CSTF1: variants seen among roughly 807,000 people sequenced by gnomAD.
CSTF1 encodes the protein CF-1 50 kDa subunit.
CSTF1 carries 2 observed loss-of-function variants against 40.9 expected under a neutral mutation model. The observed-to-expected ratio is 0.05, with a 90% CI of 0.02 to 0.15. The LOEUF is 0.15. Among genes scored for constraint, CSTF1 ranks in the 10% least tolerant of loss-of-function variants. The probability of loss-of-function intolerance (pLI) is 1.00; values close to 1 mark genes in which losing one functional copy is unlikely to be tolerated. For missense variants in CSTF1, 279 were observed against 558.9 expected, an observed-to-expected ratio of 0.50 and a Z score of 5.05; for synonymous variants, 218 against 207.2, an observed-to-expected ratio of 1.05 and a Z score of -0.45.
chr20:56,394,168 TTGAA>T (rs1174114194), intron 1 of CSTF1, among the ~76,000 whole-genome samples: 1 of 152,262 alleles, frequency 6.6e-6, no homozygotes, highest in Non-Finnish European at 1.5e-5. Context: ...CTTGAATACA[TTGAA>T]TGATTTTATT....
At chr20:56,395,792 A>G in intron 2 of CSTF1, 71 bp downstream of exon 2, 1 of 1,537,040 alleles carries the variant, frequency 6.5e-7, no homozygotes, top group Non-Finnish European at 8.9e-7. Flanking sequence ...AGAATTTTTC[A>G]AGATTATTCT....
At chr20:56,395,778 T>G in intron 2 of CSTF1, 57 bp downstream of exon 2, 1 of 1,569,028 alleles carries the variant, frequency 6.4e-7, no homozygotes, top group Non-Finnish European at 8.7e-7. Flanking sequence ...TATTTTCATA[T>G]GGCAGAATTT....
rs1978592994 is a variant in CSTF1, at chr20:56,403,981, A to G, written c.*254A>G. 2.4e-6 allele frequency: 1 copy of G among 416,068 alleles called. No individual in the cohort carries two copies. The highest frequency in any genetic ancestry group is 1.9e-5 in the African/African-American group (1 of 51,294). The allele number at this position is 416,068 out of a possible 1,614,324, so 25.8% of individuals were successfully genotyped here. ...TGTGATTTTCATCGGTTTTGTAAGT[A>G]CAGGACTTGCCGTTTCTTTTGATCT... On this transcript the variant is annotated 3_prime_UTR_variant, in exon 6 of 6. Transcript: ENST00000217109.
In CSTF1 at chr20:56,405,092, A is replaced by G. The variant is rs926506060; in HGVS notation, c.*1365A>G. ...ATTTATCCCAAAAAACAAATACCTTATGATCTGCATAGGAGTACCTAGAAA... is the reference window on the plus strand; with the variant it reads ...ATTTATCCCAAAAAACAAATACCTTGTGATCTGCATAGGAGTACCTAGAAA... On this transcript the variant is annotated 3_prime_UTR_variant, in exon 6 of 6. Transcript: ENST00000217109. 1.3e-5 allele frequency: 2 copies of G among 152,098 alleles called. No individual in the cohort carries two copies. Among genetic ancestry groups the G allele is most frequent in the African/African-American group, 2.4e-5 (1 of 41,396 alleles). 9.4% of individuals were successfully genotyped at this position (152,098 alleles called of 1,614,324 possible).
rs140219472 is a variant in CSTF1 at position 56,403,969 on chromosome 20, G to A, written c.*242G>A. 14 of 452,918 alleles carry A rather than the reference G, an allele frequency of 3.1e-5. No individual in the cohort carries two copies. Among genetic ancestry groups the A allele is most frequent in the African/African-American group, 9.6e-5 (5 of 51,990 alleles). The allele number at this position is 452,918 out of a possible 1,614,324, so 28.1% of individuals were successfully genotyped here. ...TGATTATTACAGTGTGATTTTCATC[G>A]GTTTTGTAAGTACAGGACTTGCCGT... On this transcript the variant is annotated 3_prime_UTR_variant, in exon 6 of 6. Transcript: ENST00000217109.
intron 1 of CSTF1, among the ~76,000 whole-genome samples, chr20:56,393,733 C>T (rs1256234598): frequency 6.6e-6 from 1 of 152,012 alleles, no homozygotes; most frequent in Non-Finnish European, 1.5e-5. Context: ...GTTATGCAGA[C>T]AGAATAGGTG....
rs1987549563 is a variant in CSTF1, at chr20:56,397,448, A to G, written c.411A>G (p.Thr137=). ...SADASIKILD[T]ERMLAKSAMP... ...ATGCTTCGATAAAGATACTTGACAC[A>G]GAGAGGATGTTGGCCAAAAGTGCCA... Residue 137 remains threonine (T), a synonymous_variant, in exon 3 of 6, where the codon ACA becomes ACG. Coordinates refer to ENST00000217109, the MANE Select transcript of CSTF1 (RefSeq NM_001324.3). This position sits in a 1 kb window ranked among gnomAD's most constrained non-coding sequence, Gnocchi z 4.4. The G allele has an allele frequency of 6.2e-7, 1 of 1,614,074 alleles. No individual in the cohort carries two copies. The highest frequency in any genetic ancestry group is 8.5e-7 in the Non-Finnish European group (1 of 1,179,996).
rs371911206 is a variant in CSTF1, at chr20:56,399,244, A to C, written c.923A>C (p.Glu308Ala). 1.2e-6 allele frequency: 2 copies of C among 1,614,114 alleles called. No homozygotes were observed. The highest frequency in any genetic ancestry group is 1.7e-6 in the Non-Finnish European group (2 of 1,180,034). ...TTTGAGAAAGCACATGACGGTGCTGAAGTTTGTTCTGCCATTTTTTCCAAA... is the reference window on the plus strand; with the variant it reads ...TTTGAGAAAGCACATGACGGTGCTGCAGTTTGTTCTGCCATTTTTTCCAAA... ...TTFEKAHDGA[E>A]VCSAIFSKNS... The change falls in exon 5 of 6, where the codon GAA becomes GCA. Residue 308 changes from glutamate to alanine, a missense_variant. Transcript: ENST00000217109. The surrounding 1 kb of genome is among the most constrained non-coding windows in gnomAD (Gnocchi z 4.6).
intron 2 of CSTF1, among the ~76,000 whole-genome samples, chr20:56,396,163 A>T (rs1169793035): frequency 6.6e-6 from 1 of 152,122 alleles, no homozygotes; most frequent in African/African-American, 2.4e-5. Flanking sequence ...CCTTACCTCC[A>T]CACTTCCCAC....
intron 4 of CSTF1, among the ~76,000 whole-genome samples, 161 bp from the exon 5 acceptor site, chr20:56,398,806 A>T (rs1275004716): frequency 6.6e-6 from 1 of 152,234 alleles, no homozygotes; most frequent in East Asian, 1.9e-4. Flanking sequence ...TTCAAAAAAT[A>T]CTTTCATATG....
intron 5 of CSTF1, among the ~76,000 whole-genome samples, chr20:56,402,167 T>G (rs2146248681): frequency 6.6e-6 from 1 of 151,958 alleles, no homozygotes; most frequent in South Asian, 2.1e-4. Flanking sequence ...ATTAGTTGAG[T>G]GTGGTGGCAC....
chr20:56,395,688 C>A lies in CSTF1; in HGVS notation c.136C>A (p.Pro46Thr). The change falls in exon 2 of 6, where the codon CCC becomes ACC. Residue 46 changes from proline (P) to threonine (T), a missense_variant. Transcript: ENST00000217109. ...AATCAAGCCTCAGTCTGTGTGTGCA[C>A]CCTCGGAGCAGCTCCTGCATCTCAT... ...NEIKPQSVCA[P>T]SEQLLHLIKL... 6.2e-7 allele frequency: 1 copy of A among 1,614,146 alleles called. No individual in the cohort carries two copies. The highest frequency in any genetic ancestry group is 8.5e-7 in the Non-Finnish European group (1 of 1,180,018).
At chr20:56,402,796 G>C (rs1978517516) in intron 5 of CSTF1, among the ~76,000 whole-genome samples, 1 of 151,830 alleles carries the variant, frequency 6.6e-6, no homozygotes, top group Non-Finnish European at 1.5e-5. Flanking sequence ...TTGGCTGGGT[G>C]TGGTGGTGTC....
chr20:56,403,341 G>T, intron 5 of CSTF1, 127 bp from the exon 6 acceptor site: 1 of 1,120,466 alleles, frequency 8.9e-7, no homozygotes, highest in Non-Finnish European at 1.3e-6. Flanking sequence ...TACTTTTTTA[G>T]AGTTTCTGAA....
chr20:56,400,121 A>G (rs909836966), intron 5 of CSTF1, among the ~76,000 whole-genome samples: 1 of 152,186 alleles, frequency 6.6e-6, no homozygotes, highest in African/African-American at 2.4e-5. Flanking sequence ...TGGCATGAGC[A>G]TAACTCAAAA....
intron 2 of CSTF1, chr20:56,395,970 G>C: frequency 2.7e-6 from 1 of 372,268 alleles, no homozygotes; most frequent in Non-Finnish European, 4.8e-6. Context: ...GGAACACTCT[G>C]TCAGACATAT....
chr20:56,394,466 A>G (rs1987458228), intron 1 of CSTF1, among the ~76,000 whole-genome samples: 3 of 152,236 alleles, frequency 2.0e-5, no homozygotes, highest in Admixed American at 2.0e-4. Flanking sequence ...GGGCGCCTGT[A>G]GTCTTAGCTA....
intron 1 of CSTF1, among the ~76,000 whole-genome samples, chr20:56,394,108 G>A (rs1299239728): frequency 2.0e-5 from 3 of 152,098 alleles, no homozygotes; most frequent in Admixed American, 6.5e-5. Context: ...TGTGTCCCAG[G>A]ATTTTCTACT....
In CSTF1 at chr20:56,393,635, A is replaced by G. The variant is rs143923554; in HGVS notation, c.-33+922A>G. ...GCATCCTGAGCTACTGAAAGGAATG[A>G]ATAGAGAATTGGGGGCGGGGGGCGG... On this transcript the variant is annotated intron_variant, in intron 1 of 5. Coordinates refer to ENST00000217109, the MANE Select transcript of CSTF1 (RefSeq NM_001324.3). Among the ~76,000 whole-genome samples, 28 of 117,228 alleles carry G rather than the reference A, an allele frequency of 2.4e-4. No homozygotes were observed. The East Asian group carries it at 8.0e-3, about 34-fold the overall frequency. 76.9% of individuals were successfully genotyped at this position (117,228 alleles called of 152,430 possible). A position where few individuals can be genotyped will look rare whatever the true frequency, so the allele number is the denominator to read the frequency against.
Sources: allele counts gnomAD v4.1 joint callset (sites outside exome capture counted in the v4.1 genomes callset), GRCh38; gene constraint gnomAD v4.1.1; non-coding constraint Gnocchi (gnomAD v3.1); transcripts MANE v1.5; gene names NCBI Gene and HGNC (gene_info 2026-07-23, HGNC 2026-07-21).